Variants in DCAF6 observed in about 807,000 individuals in gnomAD.
DCAF6 encodes the protein DDB1 and CUL4 associated factor 6, also known as DDB1- and CUL4-associated factor 6.
DCAF6 carries 54 observed loss-of-function variants against 125.1 expected under a neutral mutation model. That is an observed-to-expected ratio of 0.43 (90% CI 0.35 to 0.54). DCAF6 has a LOEUF of 0.54. Ranked by LOEUF, DCAF6 falls within the 20% of genes least tolerant of loss-of-function variation. The pLI, the probability that DCAF6 is intolerant of heterozygous loss-of-function variation, is 0.01. For missense variants in DCAF6, 934 were observed against 1,161.7 expected, an observed-to-expected ratio of 0.80 and a Z score of 2.85; for synonymous variants, 371 against 390.4, an observed-to-expected ratio of 0.95 and a Z score of 0.58.
chr1:168,071,559 G>A lies in DCAF6; in HGVS notation c.2791+3096G>A, dbSNP rs567896868. The stretch of plus-strand genomic sequence containing the variant: ...TGAGGCAGGAGAGTCACTTTAACTT[G>A]GGAGGTAGAGGTTGCAGTGAGCCAA... On this transcript the variant is annotated intron_variant, in intron 21 of 21. Transcript: ENST00000367840. 3.3e-5 allele frequency among the ~76,000 whole-genome samples: 5 copies of A among 152,268 alleles called. No homozygotes were observed. In the East Asian group the frequency reaches 7.7e-4, roughly 24 times the overall value.
chr1:167,939,620 G>A (rs1408373909), intron 1 of DCAF6, among the ~76,000 whole-genome samples: 1 of 152,118 alleles, frequency 6.6e-6, no homozygotes, highest in Non-Finnish European at 1.5e-5. Context: ...AAAATTAGCC[G>A]GGAGTGGTGG....
the DCAF6 span, among the ~76,000 whole-genome samples, chr1:167,864,866 A>G: frequency 6.6e-6 from 1 of 150,544 alleles, no homozygotes; most frequent in Non-Finnish European, 1.5e-5. Context: ...GATGCATTCA[A>G]TCTGTAGCAG....
intron 21 of DCAF6, 59 bp from the exon 22 acceptor site, chr1:168,075,312 T>C (rs900293935): frequency 7.1e-5 from 105 of 1,474,154 alleles, no homozygotes; most frequent in African/African-American, 1.4e-5. Context: ...TTGAAAAATA[T>C]TAATAATTGT....
chr1:167,906,473 G>C, the DCAF6 span, among the ~76,000 whole-genome samples: 1 of 152,002 alleles, frequency 6.6e-6, no homozygotes, highest in African/African-American at 2.4e-5. Flanking sequence ...TAGTAAATTT[G>C]GTGCTATATG....
At chr1:168,039,855 T>C (rs1688304337) in intron 13 of DCAF6, among the ~76,000 whole-genome samples, 1 of 151,630 alleles carries the variant, frequency 6.6e-6, no homozygotes, top group Non-Finnish European at 1.5e-5. Context: ...TGTATGTGTG[T>C]ATTTTATATT....
chr1:168,046,912 AAATTT>A (rs1408204460), intron 16 of DCAF6, among the ~76,000 whole-genome samples: 1 of 152,126 alleles, frequency 6.6e-6, no homozygotes, highest in African/African-American at 2.4e-5. Flanking sequence ...ATTGAAAATT[AAATTT>A]AAGTGCCCAG....
chr1:167,905,493 T>C, the DCAF6 span, among the ~76,000 whole-genome samples: 1 of 152,198 alleles, frequency 6.6e-6, no homozygotes, highest in Non-Finnish European at 1.5e-5. Context: ...AGTCCAGTTG[T>C]AGTGGGCTGT....
chr1:167,893,840 A>C, the DCAF6 span: 13 of 1,604,216 alleles, frequency 8.1e-6, no homozygotes, highest in Non-Finnish European at 1.1e-5. Context: ...AGTAAATTCA[A>C]TTTTGAAAAT....
intron 12 of DCAF6, among the ~76,000 whole-genome samples, chr1:168,029,777 G>A (rs992400559): frequency 6.6e-6 from 1 of 151,962 alleles, no homozygotes; most frequent in African/African-American, 2.4e-5. Flanking sequence ...TCAGGAGATC[G>A]AGGCCATCCT....
intron 21 of DCAF6, among the ~76,000 whole-genome samples, chr1:168,069,179 A>G (rs924186680): frequency 2.6e-5 from 4 of 152,182 alleles, no homozygotes; most frequent in Non-Finnish European, 5.9e-5. Context: ...GTTATTTGTA[A>G]TAACTTAGCC....
Position 167,993,452 on chromosome 1 carries a change from C to T in DCAF6, c.903+12C>T, listed in dbSNP as rs200444622. ...AGAGAAGAGAAGAGGTAGGTTTACT[C>T]AAAACCATGTCCTTTGGCCGGGCGC... is the stretch of plus-strand genomic sequence containing the variant. On this transcript the variant is annotated intron_variant, in intron 7 of 21. Coordinates refer to ENST00000367840, the MANE Select transcript of DCAF6 (RefSeq NM_001198956.2). 1.9e-6 allele frequency: 3 copies of T among 1,611,134 alleles called. No individual in the cohort carries two copies. In the African/African-American group the frequency reaches 4.0e-5, roughly 22 times the overall value.
chr1:167,992,474 T>C (rs904489962), intron 6 of DCAF6, among the ~76,000 whole-genome samples: 2 of 152,202 alleles, frequency 1.3e-5, no homozygotes, highest in African/African-American at 4.8e-5. Context: ...TATCTAATAA[T>C]AATTGAGGAG....
the DCAF6 span, among the ~76,000 whole-genome samples, chr1:167,925,527 T>C: frequency 6.9e-6 from 1 of 145,336 alleles, no homozygotes. Flanking sequence ...AACGTTTTTT[T>C]TTTTTGGTTT....
At chr1:168,018,477 G>A (rs905283063) in intron 11 of DCAF6, among the ~76,000 whole-genome samples, 1 of 152,162 alleles carries the variant, frequency 6.6e-6, no homozygotes, top group African/African-American at 2.4e-5. Context: ...GAAACAAGGA[G>A]CGACTACCCA....
the DCAF6 span, chr1:167,913,918 C>G: frequency 6.6e-6 from 1 of 152,362 alleles, no homozygotes; most frequent in East Asian, 1.9e-4. Context: ...TCCTGACGGT[C>G]GCCCTCATCT....
chr1:167,895,580 A>G, the DCAF6 span, among the ~76,000 whole-genome samples: 2 of 152,186 alleles, frequency 1.3e-5, no homozygotes, highest in Admixed American at 6.5e-5. Flanking sequence ...TTAGATGCCT[A>G]TTTGACATCC....
the DCAF6 span, among the ~76,000 whole-genome samples, chr1:167,930,021 T>C: frequency 6.6e-6 from 1 of 152,214 alleles, no homozygotes; most frequent in Non-Finnish European, 1.5e-5. Flanking sequence ...TAAAGGTTAA[T>C]CTTTGACATG....
chr1:167,904,994 T>C, the DCAF6 span: 1 of 1,614,204 alleles, frequency 6.2e-7, no homozygotes, highest in Admixed American at 1.7e-5. Context: ...TGCACTTGCC[T>C]GAAATATCAA....
chr1:168,020,522 T>C (rs1685545766), intron 11 of DCAF6, among the ~76,000 whole-genome samples: 1 of 152,162 alleles, frequency 6.6e-6, no homozygotes, highest in Non-Finnish European at 1.5e-5. Context: ...AGTGTATCTT[T>C]ACCTTAAAAA....
Sources: gnomAD v4.1 joint callset for allele counts (sites outside exome capture counted in the v4.1 genomes callset) on GRCh38, gnomAD v4.1.1 for gene constraint, MANE v1.5 for transcripts, NCBI Gene and HGNC (gene_info 2026-07-23, HGNC 2026-07-21) for gene names.